PPAT: variants seen among roughly 807,000 people sequenced by gnomAD.
PPAT encodes amidophosphoribosyltransferase.
Under a neutral mutation model 60.2 loss-of-function variants are expected in PPAT, and 20 were observed. That is an observed-to-expected ratio of 0.33 (90% CI 0.23 to 0.48). PPAT has a LOEUF of 0.48. PPAT is among the 20% of genes least tolerant of loss of function. The pLI, the probability that PPAT is intolerant of heterozygous loss-of-function variation, is 0.99. For missense variants in PPAT, 349 were observed against 629.6 expected, an observed-to-expected ratio of 0.55 and a Z score of 4.77; for synonymous variants, 194 against 215.1, an observed-to-expected ratio of 0.90 and a Z score of 0.86.
intron 10 of PPAT, 141 bp from the exon 11 acceptor site, chr4:56,395,689 G>A (rs1202383646): frequency 4.4e-5 from 22 of 498,888 alleles, no homozygotes; most frequent in South Asian, 7.1e-5. Context: ...AAAAAAAAAA[G>A]GAAAAAAAAT....
rs950216631 is a variant in PPAT at position 56,398,878 on chromosome 4, C to T, written c.1236+301G>A. 7.2e-5 allele frequency among the ~76,000 whole-genome samples: 11 copies of T among 152,140 alleles called. No homozygotes were observed. In the East Asian group the frequency reaches 1.5e-3, roughly 21 times the overall value. ...ATATTGCCCAGGCTGTTCTCGAACTCCTGGGCTCAAGCAACCTCCTACCTC... is the reference window on the plus strand; with the variant it reads ...ATATTGCCCAGGCTGTTCTCGAACTTCTGGGCTCAAGCAACCTCCTACCTC... On this transcript the variant is annotated intron_variant, in intron 9 of 10. Transcript: ENST00000264220.
chr4:56,434,305 T>C (rs917732986), intron 1 of PPAT, among the ~76,000 whole-genome samples: 1 of 152,216 alleles, frequency 6.6e-6, no homozygotes, highest in Admixed American at 6.5e-5. Context: ...GAAAAGCTAA[T>C]CTTTTGGAAT....
At chr4:56,405,386 T>C (rs1716219156) in intron 3 of PPAT, among the ~76,000 whole-genome samples, 1 of 152,220 alleles carries the variant, frequency 6.6e-6, no homozygotes, top group Non-Finnish European at 1.5e-5. Flanking sequence ...ACCCTTAGAA[T>C]TGCCAAAATG....
rs1715972041 is a variant in PPAT, at chr4:56,396,581, T to G, written c.1357+38A>C. The stretch of plus-strand genomic sequence containing the variant: ...AGACTGTCAAGCTTTGGATTTTCTC[T>G]GTTAATAATCAAAGTTTATAGAAAT... On this transcript the variant is annotated intron_variant, in intron 10 of 10. Coordinates refer to ENST00000264220, the MANE Select transcript of PPAT (RefSeq NM_002703.5). The surrounding 1 kb of genome is among the most constrained non-coding windows in gnomAD (Gnocchi z 4.6). The G allele has an allele frequency of 1.3e-6, 2 of 1,556,430 alleles. No individual in the cohort carries two copies. The highest frequency in any genetic ancestry group is 1.1e-5 in the South Asian group (1 of 87,370).
intron 1 of PPAT, among the ~76,000 whole-genome samples, chr4:56,412,324 T>TA (rs1716503433): frequency 6.6e-6 from 1 of 151,640 alleles, no homozygotes; most frequent in Non-Finnish European, 1.5e-5. Flanking sequence ...TTTTTTTTTT[T>TA]AGAGAGAGGG....
At position 56,410,855 on chromosome 4, in the gene PPAT, C is replaced by G. The variant is rs1056782781; in HGVS notation, c.129-3139G>C. On this transcript the variant is annotated intron_variant, in intron 1 of 10. Transcript: ENST00000264220. ...AGAGGAAGATGCAAATGGCAGGTAC[C>G]TGGAAACGCTCAGCCCAAGTACAGC... The G allele has an allele frequency of 3.2e-5, 31 of 969,880 alleles. No individual in the cohort carries two copies. The Admixed American group carries it at 3.9e-4, about 12-fold the overall frequency. 60.1% of individuals were successfully genotyped at this position (969,880 alleles called of 1,614,324 possible). A position where few individuals can be genotyped will look rare whatever the true frequency, so the allele number is the denominator to read the frequency against.
intron 1 of PPAT, chr4:56,420,120 T>C (rs911837074): frequency 7.1e-6 from 3 of 423,960 alleles, no homozygotes; most frequent in Non-Finnish European, 9.5e-6. Context: ...TTTTCCAAAA[T>C]GCCTGGGATC....
chr4:56,430,654 T>C (rs1021721404), intron 1 of PPAT, among the ~76,000 whole-genome samples: 4 of 151,670 alleles, frequency 2.6e-5, no homozygotes, highest in African/African-American at 9.7e-5. Context: ...TGGATATAAA[T>C]GCAAGTCAGA....
At chr4:56,424,618 G>C (rs1015599799) in intron 1 of PPAT, among the ~76,000 whole-genome samples, 2 of 152,138 alleles carry the variant, frequency 1.3e-5, no homozygotes, top group African/African-American at 4.8e-5. Flanking sequence ...CTAGATCTTT[G>C]GATCTAAAAC....
chr4:56,414,468 A>C (rs1204978515), intron 1 of PPAT, among the ~76,000 whole-genome samples: 1 of 152,216 alleles, frequency 6.6e-6, no homozygotes, highest in African/African-American at 2.4e-5. Flanking sequence ...ATGGCTGCCA[A>C]ACCACATTCC....
intron 1 of PPAT, among the ~76,000 whole-genome samples, chr4:56,426,152 C>T (rs1269522195): frequency 2.0e-5 from 3 of 152,136 alleles, no homozygotes; most frequent in African/African-American, 7.2e-5. Flanking sequence ...CCTGTAATCC[C>T]AACACTGTGG....
intron 3 of PPAT, 70 bp from the exon 4 acceptor site, chr4:56,403,471 A>G: frequency 8.9e-7 from 1 of 1,128,700 alleles, no homozygotes; most frequent in South Asian, 1.4e-5. Flanking sequence ...CCAGTAGCCA[A>G]CCATAATGAA....
chr4:56,425,470 C>T (rs532197770), intron 1 of PPAT: 2 of 689,254 alleles, frequency 2.9e-6, no homozygotes, highest in South Asian at 1.3e-4. Flanking sequence ...TGCTGCTAAT[C>T]TTAAATACAG....
At chr4:56,419,835 A>C in intron 1 of PPAT, 2 of 984,188 alleles carry the variant, frequency 2.0e-6, no homozygotes, top group Non-Finnish European at 2.4e-6. Flanking sequence ...CAGAGACTGG[A>C]AACAGTGCAG....
In PPAT at chr4:56,435,603, G is replaced by A. The variant is rs1009967280; in HGVS notation, c.-126C>T. The stretch of plus-strand genomic sequence containing the variant: ...CGACAGGCTCTTCCTTCCCGAGGGT[G>A]GCCCCAGCTACTGCGGCGGCGCGCG... On this transcript the variant is annotated 5_prime_UTR_variant, in exon 1 of 11. Transcript: ENST00000264220. 21 of 1,529,762 alleles carry A rather than the reference G, an allele frequency of 1.4e-5. No individual in the cohort carries two copies. The highest frequency in any genetic ancestry group is 1.8e-5 in the Admixed American group (1 of 54,824). The allele number at this position is 1,529,762 out of a possible 1,614,324, so 94.8% of individuals were successfully genotyped here.
At chr4:56,402,820 CAAAAA>C (rs556899549) in intron 5 of PPAT, among the ~76,000 whole-genome samples, 27 of 44,014 alleles carry the variant, frequency 6.1e-4, no homozygotes, top group Admixed American at 1.3e-3. Context: ...ACTCGGTCTC[CAAAAA>C]AAAAAAAAAA....
intron 8 of PPAT, 49 bp downstream of exon 8, chr4:56,400,734 AT>A: frequency 6.5e-7 from 1 of 1,531,544 alleles, no homozygotes; most frequent in Non-Finnish European, 8.9e-7. Context: ...AGGGTTTCTT[AT>A]TCCACAGCTG....
At chr4:56,403,256 A>G (rs2110039269) in intron 4 of PPAT, 33 bp downstream of exon 4, 1 of 1,597,802 alleles carries the variant, frequency 6.3e-7, no homozygotes, top group Non-Finnish European at 8.6e-7. Context: ...TCTCCTTACT[A>G]GAGCTCTAAG....
chr4:56,401,491 CAATGTT>C lies in PPAT; in HGVS notation c.735-16_735-11del, dbSNP rs764423656. The C allele has an allele frequency of 4.3e-4, 676 of 1,580,490 alleles. 6 individuals carry two copies. In the Middle Eastern group the frequency reaches 0.02, roughly 46 times the overall value. On this transcript the variant is annotated splice_polypyrimidine_tract_variant and intron_variant, in intron 6 of 10. Transcript: ENST00000264220. ...GACTTCACGGTAATATCTTGGGAAA[CAATGTT>C]AAAGAAAGAAGACTTTTAATAAACT... is the stretch of plus-strand genomic sequence containing the variant.
Sources: gnomAD v4.1 joint callset for allele counts (sites outside exome capture counted in the v4.1 genomes callset) on GRCh38, gnomAD v4.1.1 for gene constraint, Gnocchi (gnomAD v3.1) non-coding constraint, MANE v1.5 for transcripts, NCBI Gene and HGNC (gene_info 2026-07-23, HGNC 2026-07-21) for gene names.